The following PTPRD variants were observed in gnomAD, a reference collection of about 807,000 sequenced individuals.
PTPRD encodes protein tyrosine phosphatase receptor type D, also known as receptor-type tyrosine-protein phosphatase delta.
PTPRD carries 34 observed loss-of-function variants against 214.5 expected under a neutral mutation model. The ratio of observed to expected loss-of-function variants is 0.16; its 90% confidence interval spans 0.12 to 0.21. PTPRD has a LOEUF of 0.21. Ranked by LOEUF, PTPRD falls within the 10% of genes least tolerant of loss-of-function variation. PTPRD has a pLI of 1.00. For missense variants in PTPRD, 2,545 were observed against 2,398.7 expected, an observed-to-expected ratio of 1.06 and a Z score of -1.27; for synonymous variants, 1,128 against 845.7, an observed-to-expected ratio of 1.33 and a Z score of -5.79.
chr9:10,509,821 T>C (rs1473213723), intron 2 of PTPRD, among the ~76,000 whole-genome samples: 1 of 151,708 alleles, frequency 6.6e-6, no homozygotes, highest in Non-Finnish European at 1.5e-5. Flanking sequence ...AGCTAAGATA[T>C]ATATGCATGT....
chr9:9,005,771 G>A (rs757109991), intron 11 of PTPRD, among the ~76,000 whole-genome samples: 3 of 151,886 alleles, frequency 2.0e-5, no homozygotes, highest in African/African-American at 4.8e-5. Context: ...TTTCTTTTCA[G>A]ACGAGGAAAT....
At position 9,515,828 on chromosome 9, in the gene PTPRD, T is replaced by A. The variant is rs867385159; in HGVS notation, c.-237+58904A>T. Reference sequence around the variant, plus strand: ...CTTTCTGTAGATTCTTTATTTTTGTTATAATGTTCTTTGTATGGTAATTAA... The same window carrying A: ...CTTTCTGTAGATTCTTTATTTTTGTAATAATGTTCTTTGTATGGTAATTAA... On this transcript the variant is annotated intron_variant, in intron 8 of 45. Transcript: ENST00000381196. 1.5e-4 allele frequency among the ~76,000 whole-genome samples: 23 copies of A among 152,192 alleles called. No individual in the cohort carries two copies. The Middle Eastern group carries it at 0.01, about 68-fold the overall frequency.
chr9:8,917,174 G>A (rs137923605), intron 11 of PTPRD, among the ~76,000 whole-genome samples: 12 of 147,288 alleles, frequency 8.1e-5, no homozygotes, highest in African/African-American at 3.0e-4. Flanking sequence ...TTTTGCCCAG[G>A]CTGAAGTGCA....
intron 11 of PTPRD, among the ~76,000 whole-genome samples, chr9:8,965,562 T>C (rs1387649532): frequency 6.6e-6 from 1 of 152,084 alleles, no homozygotes; most frequent in South Asian, 2.1e-4. Context: ...TTCTTGTTGA[T>C]ATGAATCCTT....
intron 21 of PTPRD, among the ~76,000 whole-genome samples, chr9:8,514,400 C>A (rs1232184901): frequency 6.6e-6 from 1 of 152,020 alleles, no homozygotes; most frequent in Admixed American, 6.6e-5. Context: ...TATGTTTAAA[C>A]TGGTGCTTAT....
chr9:10,008,096 G>A (rs1169627781), intron 4 of PTPRD, among the ~76,000 whole-genome samples: 6 of 151,854 alleles, frequency 4.0e-5, no homozygotes, highest in Admixed American at 1.3e-4. Context: ...GATAAAAGGT[G>A]AGAAATAACA....
chr9:9,638,076 T>C (rs2095828718), intron 7 of PTPRD, among the ~76,000 whole-genome samples: 1 of 152,204 alleles, frequency 6.6e-6, no homozygotes. Flanking sequence ...TATCCCATTG[T>C]CTTGATAAAT....
chr9:8,584,293 AATCCCT>A (rs1334283076), intron 14 of PTPRD, among the ~76,000 whole-genome samples: 1 of 152,200 alleles, frequency 6.6e-6, no homozygotes, highest in African/African-American at 2.4e-5. Context: ...TGAGAAAAGA[AATCCCT>A]ATCTATAAAT....
intron 2 of PTPRD, among the ~76,000 whole-genome samples, chr9:10,598,398 G>C (rs535862971): frequency 6.6e-6 from 1 of 151,790 alleles, no homozygotes; most frequent in South Asian, 2.1e-4. Context: ...AGATACAGCA[G>C]CATGGAAGGG....
chr9:8,450,813 T>C (rs920789806), intron 33 of PTPRD, among the ~76,000 whole-genome samples: 2 of 152,194 alleles, frequency 1.3e-5, no homozygotes, highest in Admixed American at 6.5e-5. Flanking sequence ...TAAAAACCCA[T>C]TGAATCAATA....
At chr9:9,071,491 G>C (rs570562614) in intron 10 of PTPRD, among the ~76,000 whole-genome samples, 9 of 152,260 alleles carry the variant, frequency 5.9e-5, no homozygotes, top group Admixed American at 5.9e-4. Context: ...GGTGATGCAA[G>C]CAGTCAGGTT....
intron 8 of PTPRD, among the ~76,000 whole-genome samples, chr9:9,431,977 C>G (rs1222091946): frequency 6.6e-6 from 1 of 150,900 alleles, no homozygotes; most frequent in East Asian, 2.0e-4. Flanking sequence ...GGTTGCAGCA[C>G]ACCACCATGG....
chr9:9,213,295 G>A (rs538003750), intron 9 of PTPRD, among the ~76,000 whole-genome samples: 153 of 152,212 alleles, frequency 1.0e-3, no homozygotes, highest in Non-Finnish European at 2.0e-3. Flanking sequence ...AGTGTTGGGG[G>A]ACTTTGAGAA....
chr9:9,459,551 C>T (rs767147477), intron 8 of PTPRD, among the ~76,000 whole-genome samples: 11 of 152,058 alleles, frequency 7.2e-5, no homozygotes, highest in Non-Finnish European at 1.6e-4. Context: ...CATTTCTGTA[C>T]ATCCACCATT....
intron 2 of PTPRD, among the ~76,000 whole-genome samples, chr9:10,477,370 G>A (rs149514985): frequency 1.0e-3 from 159 of 151,970 alleles, no homozygotes; most frequent in African/African-American, 3.7e-3. Flanking sequence ...GCCAACAAAC[G>A]CGTGAAAAAA....
chr9:9,118,630 T>A (rs532511976), intron 10 of PTPRD, among the ~76,000 whole-genome samples: 1 of 152,174 alleles, frequency 6.6e-6, no homozygotes, highest in African/African-American at 2.4e-5. Flanking sequence ...CTTATATGTA[T>A]AAAGATGCAG....
In PTPRD at chr9:8,900,632, G is replaced by A. The variant is rs12686640; in HGVS notation, c.-104+118065C>T. On this transcript the variant is annotated intron_variant, in intron 11 of 45. Coordinates refer to ENST00000381196, the MANE Select transcript of PTPRD (RefSeq NM_002839.4). ...TGATATATTTAAGTAGGTTGGGGAT[G>A]GTCATGATGCTGTAGTAATGATAGT... 1.8e-3 allele frequency among the ~76,000 whole-genome samples: 270 copies of A among 152,266 alleles called. 7 individuals carry two copies. In the East Asian group the frequency reaches 0.045, roughly 25 times the overall value.
At chr9:8,931,103 T>C (rs1028895847) in intron 11 of PTPRD, among the ~76,000 whole-genome samples, 2 of 152,052 alleles carry the variant, frequency 1.3e-5, no homozygotes, top group Non-Finnish European at 1.5e-5. Context: ...AGGTCTGACA[T>C]TTAAGTCTTT....
intron 36 of PTPRD, among the ~76,000 whole-genome samples, chr9:8,401,327 C>T (rs970922286): frequency 7.9e-5 from 12 of 151,880 alleles, no homozygotes; most frequent in Non-Finnish European, 1.2e-4. Context: ...ATCATACTAG[C>T]GAGTTTTTTG....
Sources: gnomAD v4.1 joint callset for allele counts (sites outside exome capture counted in the v4.1 genomes callset) on GRCh38, gnomAD v4.1.1 for gene constraint, MANE v1.5 for transcripts, NCBI Gene and HGNC (gene_info 2026-07-23, HGNC 2026-07-21) for gene names.